The following MOB4 variants were observed in gnomAD, a reference collection of about 807,000 sequenced individuals.
MOB4 encodes MOB-like protein phocein.
In MOB4, 4 loss-of-function variants were observed where a neutral mutation model predicts 32.2. The ratio of observed to expected loss-of-function variants is 0.12; its 90% CI spans 0.06 to 0.28. The LOEUF (loss-of-function observed/expected upper bound fraction) is 0.28, where lower values mean the gene tolerates loss of function less well. Ranked by LOEUF, MOB4 falls within the 10% of genes least tolerant of loss-of-function variation. The pLI is 1.00. For missense variants in MOB4, 158 were observed against 271.2 expected (o/e 0.58, Z 2.93); for synonymous variants, 88 against 88.1 (o/e 1.00, Z 0.01).
intron 1 of MOB4, among the ~76,000 whole-genome samples, chr2:197,520,119 C>T (rs887051466): frequency 6.6e-6 from 1 of 152,016 alleles, no homozygotes; most frequent in Non-Finnish European, 1.5e-5. Context: ...CCCTATCATT[C>T]CTTTTCTTTT....
At chr2:197,544,607 C>T (rs1318550293) in intron 5 of MOB4, among the ~76,000 whole-genome samples, 2 of 151,898 alleles carry the variant, frequency 1.3e-5, no homozygotes, top group African/African-American at 4.8e-5. Flanking sequence ...CAAAAAATTA[C>T]CCGGGCGCTG....
chr2:197,535,697 A>G (rs1315073495), intron 3 of MOB4, 67 bp downstream of exon 3: 2 of 1,529,134 alleles, frequency 1.3e-6, no homozygotes, highest in Non-Finnish European at 1.8e-6. Context: ...AATGATAATT[A>G]TGAATTGTAA....
Position 197,516,113 on chromosome 2 carries a change from G to T in MOB4, c.27G>T (p.Val9=), listed in dbSNP as rs779739036. The change falls in exon 1 of 8, where the codon GTG becomes GTT. Residue 9 remains valine (V), a synonymous_variant. Coordinates refer to ENST00000323303, the MANE Select transcript of MOB4 (RefSeq NM_015387.5). ...TGGTCATGGCGGAGGGGACGGCAGT[G>T]CTGAGGCGGAACAGGCCGGGCACCA... MVMAEGTA[V]LRRNRPGTKA... 5.6e-6 allele frequency: 9 copies of T among 1,603,880 alleles called. No individual in the cohort carries two copies. The highest frequency in any genetic ancestry group is 7.7e-6 in the Non-Finnish European group (9 of 1,176,418).
chr2:197,542,758 C>T (rs974255586), intron 5 of MOB4, among the ~76,000 whole-genome samples: 1 of 151,922 alleles, frequency 6.6e-6, no homozygotes, highest in African/African-American at 2.4e-5. Context: ...TATTTTGTAA[C>T]CTGCTATATT....
intron 2 of MOB4, among the ~76,000 whole-genome samples, chr2:197,530,220 G>A (rs1342980722): frequency 2.6e-5 from 4 of 151,208 alleles, no homozygotes; most frequent in African/African-American, 7.3e-5. Flanking sequence ...CACCCTCCTC[G>A]GCCTCCCAAA....
intron 2 of MOB4, among the ~76,000 whole-genome samples, chr2:197,527,114 T>C (rs1428884888): frequency 6.6e-6 from 1 of 152,146 alleles, no homozygotes; most frequent in Non-Finnish European, 1.5e-5. Context: ...TTTTTGTTTA[T>C]TCAGAAACCC....
upstream of MOB4, chr2:197,516,001 C>A: frequency 7.3e-7 from 1 of 1,372,030 alleles, no homozygotes; most frequent in Non-Finnish European, 1.0e-6. Flanking sequence ...TCCTCCCAGA[C>A]GCAGAGCGCC....
intron 2 of MOB4, among the ~76,000 whole-genome samples, chr2:197,524,419 C>G (rs1471309167): frequency 6.6e-6 from 1 of 151,302 alleles, no homozygotes; most frequent in Non-Finnish European, 1.5e-5. Context: ...GTAGTCCCAG[C>G]TACTCGGGAG....
In MOB4 at chr2:197,553,372, C is replaced by G. The variant is rs1225616112; in HGVS notation, c.*2726C>G. On this transcript the variant is annotated 3_prime_UTR_variant, in exon 8 of 8. Coordinates refer to ENST00000323303, the MANE Select transcript of MOB4 (RefSeq NM_015387.5). The stretch of plus-strand genomic sequence containing the variant: ...GAGGTTGCGGTGAGCTGAGATCGTG[C>G]CATTGCACTCCAGCCTGGGTAACGA... 6.6e-6 allele frequency: 1 copy of G among 152,146 alleles called. No homozygotes were observed. The highest frequency in any genetic ancestry group is 1.5e-5 in the Non-Finnish European group (1 of 68,072). 9.4% of individuals were successfully genotyped at this position (152,146 alleles called of 1,614,324 possible).
Position 197,547,710 on chromosome 2 carries a change from G to A in MOB4, c.355-626G>A, listed in dbSNP as rs138450021. ...TTCCTTCTGGTTGACTCCCTGGTTTGTTTCTAGACTGCTTTCCCCTTGATG... is the reference window on the plus strand; with the variant it reads ...TTCCTTCTGGTTGACTCCCTGGTTTATTTCTAGACTGCTTTCCCCTTGATG... On this transcript the variant is annotated intron_variant, in intron 5 of 7. Transcript: ENST00000323303. 1.2e-3 allele frequency among the ~76,000 whole-genome samples: 189 copies of A among 152,212 alleles called. 4 individuals are homozygous for A. The East Asian group carries it at 0.028, about 23-fold the overall frequency.
At chr2:197,538,120 A>G (rs765062087) in intron 3 of MOB4, among the ~76,000 whole-genome samples, 6 of 150,618 alleles carry the variant, frequency 4.0e-5, no homozygotes, top group Non-Finnish European at 7.4e-5. Context: ...ATAGGGGCTG[A>G]TTTTAGTGTT....
intron 6 of MOB4, among the ~76,000 whole-genome samples, 175 bp downstream of exon 6, chr2:197,548,590 G>A (rs900169260): frequency 1.3e-5 from 2 of 152,054 alleles, no homozygotes; most frequent in Non-Finnish European, 2.9e-5. Context: ...AAACCTGCAC[G>A]TTGTGCACAT....
chr2:197,526,199 A>G (rs556263384), intron 2 of MOB4, among the ~76,000 whole-genome samples: 3 of 152,284 alleles, frequency 2.0e-5, no homozygotes, highest in African/African-American at 7.2e-5. Context: ...ATTATATTGA[A>G]GTTGTTTCCT....
At chr2:197,522,286 C>G (rs888798820) in intron 1 of MOB4, among the ~76,000 whole-genome samples, 6 of 135,734 alleles carry the variant, frequency 4.4e-5, no homozygotes, top group African/African-American at 1.4e-4. Flanking sequence ...AGGTCTTATT[C>G]ATTCTTTCTA....
chr2:197,538,201 A>G (rs116469460), intron 3 of MOB4, among the ~76,000 whole-genome samples: 208 of 151,766 alleles, frequency 1.4e-3, no homozygotes, highest in African/African-American at 4.8e-3. Flanking sequence ...ATGAAACATT[A>G]TATAAAACAT....
intron 5 of MOB4, 39 bp from the exon 6 acceptor site, chr2:197,548,297 G>A: frequency 1.3e-6 from 2 of 1,554,890 alleles, no homozygotes; most frequent in South Asian, 2.3e-5. Flanking sequence ...TTAAGAGAGA[G>A]CTCTTTGTTG....
rs774428873 is a variant in MOB4, at chr2:197,523,677, T to G, written c.114T>G (p.Ala38=). Residue 38 remains alanine (A), a synonymous_variant, in exon 2 of 8, where the codon GCT becomes GCG. Transcript: ENST00000323303. ...ESFDEMDSTL[A]VQQYIQQNIR... The stretch of plus-strand genomic sequence containing the variant: ...TTGATGAAATGGACAGTACACTAGC[T>G]GTTCAACAGGTAATAAAAATAGTTT... The G allele has an allele frequency of 6.2e-7, 1 of 1,603,422 alleles. No individual in the cohort carries two copies. The highest frequency in any genetic ancestry group is 8.5e-7 in the Non-Finnish European group (1 of 1,177,428).
chr2:197,535,432 C>T (rs2086781315), intron 2 of MOB4, 98 bp from the exon 3 acceptor site: 7 of 1,139,422 alleles, frequency 6.1e-6, no homozygotes, highest in Non-Finnish European at 8.5e-6. Context: ...CCAAGTTGAA[C>T]CACAAGAGCA....
intron 5 of MOB4, among the ~76,000 whole-genome samples, chr2:197,543,751 CTTTTT>C (rs2086940238): frequency 6.6e-6 from 1 of 151,954 alleles, no homozygotes; most frequent in South Asian, 2.1e-4. Context: ...CTTTTCTTTT[CTTTTT>C]GAGACAGAGT....
Sources: gnomAD v4.1 joint callset for allele counts (sites outside exome capture counted in the v4.1 genomes callset) on GRCh38, gnomAD v4.1.1 for gene constraint, MANE v1.5 for transcripts, NCBI Gene and HGNC (gene_info 2026-07-23, HGNC 2026-07-21) for gene names.